Variants in ZNF334 observed in about 807,000 individuals in gnomAD.
ZNF334 encodes the protein zinc finger protein 334.
ZNF334 carries 14 observed loss-of-function variants against 12.4 expected under a neutral mutation model. The ratio of observed to expected loss-of-function variants is 1.13; its 90% CI spans 0.74 to 1.76. The LOEUF (loss-of-function observed/expected upper bound fraction) is 1.76. ZNF334 is among the 40% of genes most tolerant of loss of function. The pLI is 0.00. For missense variants in ZNF334, 797 were observed against 804.5 expected (o/e 0.99, Z 0.11); for synonymous variants, 273 against 269.6 (o/e 1.01, Z -0.12).
chr20:46,493,097 A>G, the ZNF334 span, among the ~76,000 whole-genome samples: 1 of 151,010 alleles, frequency 6.6e-6, no homozygotes, highest in Non-Finnish European at 1.5e-5. Flanking sequence ...TTAGAAAAAA[A>G]AAAAAAAACT....
At chr20:46,475,520 C>T in the ZNF334 span, among the ~76,000 whole-genome samples, 1 of 151,978 alleles carries the variant, frequency 6.6e-6, no homozygotes, top group African/African-American at 2.4e-5. Flanking sequence ...ACAAACTACA[C>T]ATTTGACGAA....
intron 2 of ZNF334, among the ~76,000 whole-genome samples, chr20:46,507,552 AAC>A (rs2061481939): frequency 6.6e-6 from 1 of 152,358 alleles, no homozygotes; most frequent in Non-Finnish European, 1.5e-5. Context: ...AGGTGAAGGA[AAC>A]ACAGGTATTT....
At chr20:46,484,754 T>G in the ZNF334 span, among the ~76,000 whole-genome samples, 2 of 152,212 alleles carry the variant, frequency 1.3e-5, no homozygotes, top group Non-Finnish European at 2.9e-5. Context: ...CTTGGGATGA[T>G]ACAAGCTTCC....
In ZNF334 at chr20:46,509,247, C is replaced by G. The variant is rs199949357; in HGVS notation, c.21+2835G>C. On this transcript the variant is annotated intron_variant, in intron 2 of 4. Transcript: ENST00000692313. ...AAATTACACAAGTAAGTTGTATTAT[C>G]TATGATCTCCAAAATAGGATAAAGG... Among the ~76,000 whole-genome samples the G allele has an allele frequency of 3.9e-5, 6 of 152,174 alleles. No homozygotes were observed. In the East Asian group the frequency reaches 1.2e-3, roughly 29 times the overall value.
the ZNF334 span, among the ~76,000 whole-genome samples, chr20:46,473,578 T>G: frequency 6.6e-6 from 1 of 152,258 alleles, no homozygotes; most frequent in African/African-American, 2.4e-5. Context: ...ACAATCCCAT[T>G]CAAGATCATT....
At chr20:46,471,078 G>A in the ZNF334 span, among the ~76,000 whole-genome samples, 123 of 152,300 alleles carry the variant, frequency 8.1e-4, 1 homozygote, top group African/African-American at 2.7e-3. Context: ...CACCAACAAT[G>A]TGTGTGATTC....
At chr20:46,480,587 G>A in the ZNF334 span, among the ~76,000 whole-genome samples, 55 of 152,220 alleles carry the variant, frequency 3.6e-4, no homozygotes, top group Middle Eastern at 3.4e-3. Context: ...AGAGCACTGG[G>A]GAATTTTCAG....
chr20:46,464,759 C>A, the ZNF334 span: 1 of 511,888 alleles, frequency 2.0e-6, no homozygotes, highest in South Asian at 1.6e-5. Context: ...GCAGTGTACG[C>A]TGCAGTAGAG....
chr20:46,499,001 C>G (rs201041175), downstream of ZNF334, among the ~76,000 whole-genome samples: 18 of 151,346 alleles, frequency 1.2e-4, no homozygotes, highest in East Asian at 3.5e-3. Context: ...GGTGAAACCC[C>G]GTCTCTACTA....
chr20:46,480,163 C>T, the ZNF334 span, among the ~76,000 whole-genome samples: 1 of 152,142 alleles, frequency 6.6e-6, no homozygotes, highest in Admixed American at 6.5e-5. Context: ...AGAATAAACT[C>T]CTTTAAATAT....
At chr20:46,483,308 A>C in the ZNF334 span, among the ~76,000 whole-genome samples, 1 of 151,144 alleles carries the variant, frequency 6.6e-6, no homozygotes, top group African/African-American at 2.4e-5. Context: ...TTTCTTATTG[A>C]TCTGTATAAA....
the ZNF334 span, chr20:46,485,812 T>A: frequency 6.6e-6 from 1 of 152,310 alleles, no homozygotes; most frequent in South Asian, 2.1e-4. Flanking sequence ...TTAAAGATTT[T>A]ATAAGAATTG....
rs752718026 is a variant in ZNF334, at chr20:46,502,573, G to A, written c.766C>T (p.Gln256Ter). The change falls in exon 5 of 5, where the codon CAG becomes TAG. Residue 256 changes from glutamine (Q) to a stop codon, truncating the protein, a stop_gained. Transcript: ENST00000692313. LOFTEE classifies it low-confidence loss of function (END_TRUNC). Reference protein sequence around the residue: ...FSKRSTLIVHQRIHTGEKPYV... With the variant: ...FSKRSTLIVH The stretch of plus-strand genomic sequence containing the variant: ...GGTTTCTCCCCTGTATGAATTCTCT[G>A]ATGTACAATGAGGGTAGATCTCTTA... 2.0e-5 allele frequency: 33 copies of A among 1,613,762 alleles called. No homozygotes were observed. The highest frequency in any genetic ancestry group is 2.6e-5 in the Non-Finnish European group (31 of 1,179,980).
the ZNF334 span, chr20:46,464,583 T>G: frequency 7.3e-6 from 3 of 412,674 alleles, no homozygotes; most frequent in Non-Finnish European, 1.4e-5. Context: ...CTGGGCAGCA[T>G]CCATTGGAGG....
chr20:46,491,038 A>G, the ZNF334 span: 1 of 152,686 alleles, frequency 6.5e-6, no homozygotes, highest in Non-Finnish European at 1.5e-5. Context: ...AATATGGTGA[A>G]AATACAAGGG....
chr20:46,510,294 A>G (rs1326538937), intron 2 of ZNF334, among the ~76,000 whole-genome samples: 1 of 152,192 alleles, frequency 6.6e-6, no homozygotes, highest in East Asian at 1.9e-4. Context: ...AAAGCTACTA[A>G]TATTATGACA....
At chr20:46,490,553 T>C in the ZNF334 span, among the ~76,000 whole-genome samples, 13 of 152,234 alleles carry the variant, frequency 8.5e-5, no homozygotes, top group African/African-American at 3.1e-4. Flanking sequence ...GTTTTGGTTA[T>C]TAAAATTTCA....
intron 2 of ZNF334, among the ~76,000 whole-genome samples, chr20:46,507,319 G>T (rs2061470256): frequency 3.9e-5 from 6 of 152,218 alleles, no homozygotes; most frequent in African/African-American, 2.4e-5. Context: ...CCAGCAAAGT[G>T]TCAAGGTTGT....
At chr20:46,486,485 A>C in the ZNF334 span, among the ~76,000 whole-genome samples, 1 of 152,240 alleles carries the variant, frequency 6.6e-6, no homozygotes, top group Non-Finnish European at 1.5e-5. Flanking sequence ...TTATTTAAAC[A>C]GCATGCTGCA....
Sources: gnomAD v4.1 joint callset for allele counts (sites outside exome capture counted in the v4.1 genomes callset) on GRCh38, gnomAD v4.1.1 for gene constraint, MANE v1.5 for transcripts, NCBI Gene and HGNC (gene_info 2026-07-23, HGNC 2026-07-21) for gene names.